The following TSPEAR variants were observed in gnomAD, a reference collection of about 807,000 sequenced individuals.
TSPEAR encodes the protein thrombospondin-type laminin G domain and EAR repeat-containing protein.
Under a neutral mutation model 71.6 loss-of-function variants are expected in TSPEAR, and 69 were observed. The observed-to-expected ratio is 0.96, with a 90% CI of 0.79 to 1.18. The LOEUF is 1.18. TSPEAR is among the 50% of genes most tolerant of loss of function. TSPEAR has a pLI of 0.00. For synonymous variants in TSPEAR, 402 were observed against 387.2 expected (o/e 1.04, Z -0.45); for missense variants, 971 against 894.9 (o/e 1.09, Z -1.09).
intron 2 of TSPEAR, among the ~76,000 whole-genome samples, chr21:44,545,880 T>G (rs1485705492): frequency 1.3e-5 from 2 of 152,226 alleles, no homozygotes; most frequent in African/African-American, 4.8e-5. Flanking sequence ...TGAATCCAAA[T>G]TTAGCAGAAG....
At chr21:44,555,418 A>G (rs1435765439) in intron 2 of TSPEAR, among the ~76,000 whole-genome samples, 1 of 152,106 alleles carries the variant, frequency 6.6e-6, no homozygotes, top group Non-Finnish European at 1.5e-5. Context: ...GGACTCCCGC[A>G]CTAGCAGGGC....
intron 1 of TSPEAR, among the ~76,000 whole-genome samples, chr21:44,607,535 T>C (rs1423027307): frequency 6.6e-6 from 1 of 152,216 alleles, no homozygotes; most frequent in African/African-American, 2.4e-5. Flanking sequence ...GGGAATGTCT[T>C]CACGACGTTG....
chr21:44,688,093 A>T (rs1229414117), intron 1 of TSPEAR, among the ~76,000 whole-genome samples: 5 of 152,214 alleles, frequency 3.3e-5, no homozygotes, highest in Non-Finnish European at 7.3e-5. Flanking sequence ...GATAGTTTTT[A>T]AAAAGTAGTT....
intron 2 of TSPEAR, among the ~76,000 whole-genome samples, chr21:44,562,563 ACATAT>A (rs2053652177): frequency 6.6e-6 from 1 of 152,208 alleles, no homozygotes; most frequent in Non-Finnish European, 1.5e-5. Flanking sequence ...ACGCAAACAG[ACATAT>A]CATAGTAAAA....
At chr21:44,511,274 A>G (rs1271439625) in intron 9 of TSPEAR, among the ~76,000 whole-genome samples, 9 of 152,208 alleles carry the variant, frequency 5.9e-5, no homozygotes, top group Admixed American at 1.3e-4. Context: ...GTATGCATAC[A>G]TACACAAACA....
At chr21:44,606,347 G>T (rs1316859531) in intron 1 of TSPEAR, among the ~76,000 whole-genome samples, 3 of 152,122 alleles carry the variant, frequency 2.0e-5, no homozygotes, top group African/African-American at 7.2e-5. Context: ...TGTCAGAATG[G>T]TTCTTATCAA....
At chr21:44,579,179 G>C (rs1978690265) in intron 1 of TSPEAR, among the ~76,000 whole-genome samples, 1 of 152,272 alleles carries the variant, frequency 6.6e-6, no homozygotes, top group Non-Finnish European at 1.5e-5. Flanking sequence ...TCCCAGGTGG[G>C]ACAGTGGGTG....
chr21:44,542,424 C>G (rs1162863840), intron 2 of TSPEAR, among the ~76,000 whole-genome samples: 1 of 152,028 alleles, frequency 6.6e-6, no homozygotes, highest in African/African-American at 2.4e-5. Context: ...GAACTTTAAC[C>G]TGATGAAATG....
intron 2 of TSPEAR, among the ~76,000 whole-genome samples, chr21:44,562,871 C>G (rs1173030348): frequency 2.6e-5 from 4 of 152,148 alleles, no homozygotes; most frequent in African/African-American, 9.7e-5. Flanking sequence ...TACTAGCGTT[C>G]CGCAGACCAA....
At chr21:44,664,908 T>C (rs1985673861) in intron 1 of TSPEAR, among the ~76,000 whole-genome samples, 1 of 152,216 alleles carries the variant, frequency 6.6e-6, no homozygotes, top group Non-Finnish European at 1.5e-5. Flanking sequence ...TGCTTCTCTG[T>C]GCACAGGGCA....
At chr21:44,537,303 TA>T (rs1169205287) in intron 2 of TSPEAR, among the ~76,000 whole-genome samples, 1 of 152,088 alleles carries the variant, frequency 6.6e-6, no homozygotes, top group Non-Finnish European at 1.5e-5. Context: ...TATAGCAGTT[TA>T]AAAAATACTG....
chr21:44,614,830 A>C lies in TSPEAR; in HGVS notation c.83-46825T>G, dbSNP rs374608395. On this transcript the variant is annotated intron_variant, in intron 1 of 11. Transcript: ENST00000323084. ...GAAGACACTCGACCGAGAAGATTTC[A>C]ATGAGACAAAAGCATAAACTCCCAG... Among the ~76,000 whole-genome samples, 8 of 152,360 alleles carry C rather than the reference A, an allele frequency of 5.3e-5. 1 individual carries two copies. The highest frequency in any genetic ancestry group is 1.3e-4 in the Admixed American group (2 of 15,308).
At chr21:44,541,657 A>C (rs587716470) in intron 2 of TSPEAR, among the ~76,000 whole-genome samples, 3 of 152,342 alleles carry the variant, frequency 2.0e-5, no homozygotes, top group East Asian at 1.9e-4. Flanking sequence ...GAAGAAAAAA[A>C]CCACAGAGTT....
chr21:44,592,603 G>C (rs13046558), intron 1 of TSPEAR: 1 of 1,450,186 alleles, frequency 6.9e-7, no homozygotes, highest in Non-Finnish European at 9.2e-7. Flanking sequence ...CCGTGTTGCC[G>C]AGAGCTGGAG....
intron 9 of TSPEAR, among the ~76,000 whole-genome samples, chr21:44,512,281 C>T (rs2052408805): frequency 6.8e-6 from 1 of 148,074 alleles, no homozygotes; most frequent in South Asian, 2.2e-4. Context: ...ATGTGGACGG[C>T]TCTGAGACCC....
At chr21:44,646,389 C>T in intron 1 of TSPEAR, 1 of 1,548,420 alleles carries the variant, frequency 6.5e-7, no homozygotes, top group Admixed American at 1.9e-5. Flanking sequence ...GAGCACCTCA[C>T]TCACTCACTC....
At chr21:44,632,751 G>A (rs1243718950) in intron 1 of TSPEAR, among the ~76,000 whole-genome samples, 2 of 152,196 alleles carry the variant, frequency 1.3e-5, no homozygotes, top group Admixed American at 6.5e-5. Flanking sequence ...GCTGAGGCAA[G>A]GAGAATCACT....
intron 1 of TSPEAR, chr21:44,602,153 T>C: frequency 4.1e-6 from 1 of 246,798 alleles, no homozygotes; most frequent in Non-Finnish European, 8.4e-6. Context: ...ACCCTTCTAA[T>C]AAACTCCTTT....
At chr21:44,540,472 A>G (rs2053200559) in intron 2 of TSPEAR, among the ~76,000 whole-genome samples, 1 of 152,172 alleles carries the variant, frequency 6.6e-6, no homozygotes, top group Non-Finnish European at 1.5e-5. Flanking sequence ...GCACGCCACC[A>G]GTGCAGTCCG....
Sources: gnomAD v4.1 joint callset for allele counts (sites outside exome capture counted in the v4.1 genomes callset) on GRCh38, gnomAD v4.1.1 for gene constraint, MANE v1.5 for transcripts, NCBI Gene and HGNC (gene_info 2026-07-23, HGNC 2026-07-21) for gene names.